The following KANSL1L variants were observed in gnomAD, a reference collection of about 807,000 sequenced individuals.
KANSL1L encodes KAT8 regulatory NSL complex subunit 1 like.
KANSL1L carries 25 observed loss-of-function variants against 108.6 expected under a neutral mutation model. The observed-to-expected ratio is 0.23, with a 90% CI of 0.17 to 0.32. The LOEUF is 0.32. Among genes scored for constraint, KANSL1L ranks in the 10% least tolerant of loss-of-function variants. The probability of loss-of-function intolerance (pLI) is 1.00; values close to 1 mark genes in which losing one functional copy is unlikely to be tolerated. For synonymous variants in KANSL1L, 405 were observed against 395.1 expected (o/e 1.03, Z -0.30); for missense variants, 1,137 against 1,125.7 (o/e 1.01, Z -0.14).
rs751174468 is a variant in KANSL1L at position 210,023,077 on chromosome 2, C to G, written c.2836G>C (p.Ala946Pro). Residue 946 changes from alanine (A) to proline (P), a missense_variant, in exon 15 of 15, where the codon GCT (alanine) becomes CCT (proline). This residue lies in a region of KANSL1L where 575 missense variants were observed against 567.1 expected (regional missense o/e 1.01). Coordinates refer to ENST00000281772, the MANE Select transcript of KANSL1L (RefSeq NM_152519.4). ...KKDQVERSST[A>P]FHGEIFGTSV... Reference sequence around the variant, plus strand: ...GTACCGAAGATTTCACCATGGAAAGCTGTGCTTGACCTTTCAACCTGATCC... The same window carrying G: ...GTACCGAAGATTTCACCATGGAAAGGTGTGCTTGACCTTTCAACCTGATCC... 3.1e-6 allele frequency: 5 copies of G among 1,613,864 alleles called. No homozygotes were observed. Among genetic ancestry groups the G allele is most frequent in the Non-Finnish European group, 4.2e-6 (5 of 1,179,920 alleles).
chr2:210,167,468 C>T (rs1489311424), intron 1 of KANSL1L, among the ~76,000 whole-genome samples: 4 of 152,004 alleles, frequency 2.6e-5, no homozygotes, highest in Non-Finnish European at 2.9e-5. Flanking sequence ...CTTGTAAGTG[C>T]ATGACTCATA....
chr2:210,077,999 T>C (rs551605773), intron 5 of KANSL1L, among the ~76,000 whole-genome samples: 1 of 152,336 alleles, frequency 6.6e-6, no homozygotes, highest in South Asian at 2.1e-4. Flanking sequence ...TTATTTTTTA[T>C]TTGTGTGAAC....
At chr2:210,167,740 A>G (rs1688069820) in intron 1 of KANSL1L, among the ~76,000 whole-genome samples, 1 of 152,072 alleles carries the variant, frequency 6.6e-6, no homozygotes, top group Non-Finnish European at 1.5e-5. Flanking sequence ...CAAAGTCTCA[A>G]TATTATTAAT....
chr2:210,143,010 G>C (rs2095241118), intron 2 of KANSL1L, among the ~76,000 whole-genome samples: 2 of 151,930 alleles, frequency 1.3e-5, no homozygotes, highest in African/African-American at 4.8e-5. Flanking sequence ...ATTTTGTCTG[G>C]ATGATTTATC....
intron 6 of KANSL1L, among the ~76,000 whole-genome samples, chr2:210,074,467 T>C (rs1441141851): frequency 6.6e-6 from 1 of 152,144 alleles, no homozygotes; most frequent in Non-Finnish European, 1.5e-5. Context: ...GTGGATGGGA[T>C]TACAGGCACC....
intron 2 of KANSL1L, among the ~76,000 whole-genome samples, chr2:210,134,892 G>A (rs2095159939): frequency 6.6e-6 from 1 of 152,110 alleles, no homozygotes. Flanking sequence ...ATGCAGTGGT[G>A]TCTCCAATAA....
intron 5 of KANSL1L, among the ~76,000 whole-genome samples, chr2:210,081,394 A>T (rs1259468601): frequency 6.6e-6 from 1 of 152,140 alleles, no homozygotes; most frequent in African/African-American, 2.4e-5. Flanking sequence ...TAACTCTCAG[A>T]TCCAAAGTCA....
At chr2:210,079,646 A>ATATATATATGTATGTGTG (rs1559539677) in intron 5 of KANSL1L, among the ~76,000 whole-genome samples, 5 of 13,118 alleles carry the variant, frequency 3.8e-4, no homozygotes, top group South Asian at 3.8e-3. Flanking sequence ...ATATATATAT[A>ATATATATATGTATGTGTG]TATATATATA....
chr2:210,158,062 C>T (rs1444817961), intron 1 of KANSL1L, among the ~76,000 whole-genome samples: 1 of 152,108 alleles, frequency 6.6e-6, no homozygotes, highest in Non-Finnish European at 1.5e-5. Flanking sequence ...TAGGGCTTAC[C>T]GGTAGGACAG....
chr2:210,145,783 G>A (rs1373222293), intron 2 of KANSL1L, among the ~76,000 whole-genome samples: 3 of 152,196 alleles, frequency 2.0e-5, no homozygotes, highest in African/African-American at 7.2e-5. Flanking sequence ...CCAAGGCTTG[G>A]GTTGAGGCTA....
At chr2:210,098,497 T>G (rs1303925876) in intron 4 of KANSL1L, among the ~76,000 whole-genome samples, 2 of 152,138 alleles carry the variant, frequency 1.3e-5, no homozygotes, top group Non-Finnish European at 2.9e-5. Context: ...TATATAATAT[T>G]ACCCTTGAGG....
rs187856162 is a variant in KANSL1L, at chr2:210,052,997, G to C, written c.1756-8893C>G. On this transcript the variant is annotated intron_variant, in intron 6 of 14. Coordinates refer to ENST00000281772, the MANE Select transcript of KANSL1L (RefSeq NM_152519.4). ...TATGAACTGGACTTGTCAACTTGGC[G>C]GGCTTAACCTGGTGGAATTCTGCAT... is the stretch of plus-strand genomic sequence containing the variant. Among the ~76,000 whole-genome samples, 491 of 152,202 alleles carry C rather than the reference G, an allele frequency of 3.2e-3. 2 individuals are homozygous for C. Among genetic ancestry groups the C allele is most frequent in the Middle Eastern group, 0.01 (3 of 294 alleles).
chr2:210,101,662 T>C (rs914499004), intron 4 of KANSL1L, among the ~76,000 whole-genome samples: 10 of 152,158 alleles, frequency 6.6e-5, no homozygotes, highest in African/African-American at 2.2e-4. Context: ...AATGCTTATA[T>C]GGTCAAGTGC....
chr2:210,097,301 AT>A, intron 5 of KANSL1L: 1 of 787,734 alleles, frequency 1.3e-6, no homozygotes, highest in Non-Finnish European at 1.5e-6. Context: ...TTTATGCTAT[AT>A]TAGAAAGTTA....
chr2:210,128,695 T>C (rs745561702), intron 3 of KANSL1L, among the ~76,000 whole-genome samples: 40 of 152,148 alleles, frequency 2.6e-4, no homozygotes, highest in Non-Finnish European at 5.3e-4. Context: ...ACATTACAAA[T>C]GTATTTAATA....
chr2:210,154,413 G>T lies in KANSL1L; in HGVS notation c.170C>A (p.Thr57Asn), dbSNP rs1269065748. The change falls in exon 2 of 15, where the codon ACT (threonine) becomes AAT (asparagine). Residue 57 changes from threonine (T) to asparagine (N), a missense_variant. This residue lies in a region of KANSL1L where 556 missense variants were observed against 537.7 expected (regional missense o/e 1.03). Transcript: ENST00000281772. ...QMLGFPTPEP[T>N]LNTNFVNLKH... Reference sequence around the variant, plus strand: ...TAAATTCACAAAATTAGTATTAAGAGTAGGTTCAGGAGTTGGAAATCCAAG... The same window carrying T: ...TAAATTCACAAAATTAGTATTAAGATTAGGTTCAGGAGTTGGAAATCCAAG... 5.6e-6 allele frequency: 9 copies of T among 1,612,770 alleles called. No homozygotes were observed. The East Asian group carries it at 6.7e-5, about 12-fold the overall frequency.
chr2:210,050,629 A>T (rs2094280678), intron 6 of KANSL1L, among the ~76,000 whole-genome samples: 1 of 146,684 alleles, frequency 6.8e-6, no homozygotes, highest in Non-Finnish European at 1.5e-5. Context: ...CCATGGCAGG[A>T]GGATAGCTTG....
chr2:210,122,839 T>C (rs1220091115), intron 3 of KANSL1L, among the ~76,000 whole-genome samples: 1 of 119,172 alleles, frequency 8.4e-6, no homozygotes, highest in South Asian at 2.7e-4. Flanking sequence ...AACAAATCAA[T>C]AGAAAAAAAA....
chr2:210,079,646 A>ATATATATATATATG (rs2094570359), intron 5 of KANSL1L, among the ~76,000 whole-genome samples: 1 of 13,128 alleles, frequency 7.6e-5, no homozygotes, highest in African/African-American at 2.8e-4. Context: ...ATATATATAT[A>ATATATATATATATG]TATATATATA....
Sources: allele counts gnomAD v4.1 joint callset (sites outside exome capture counted in the v4.1 genomes callset), GRCh38; gene constraint gnomAD v4.1.1; regional missense constraint gnomAD v4.1.1; transcripts MANE v1.5; gene names NCBI Gene and HGNC (gene_info 2026-07-23, HGNC 2026-07-21).